The following DGKK variants were observed in gnomAD, a reference collection of about 807,000 sequenced individuals.
The protein encoded by DGKK is 142 kDa diacylglycerol kinase.
DGKK carries 35 observed loss-of-function variants against 92.2 expected under a neutral mutation model. The ratio of observed to expected loss-of-function variants is 0.38; its 90% confidence interval spans 0.29 to 0.50. The LOEUF (loss-of-function observed/expected upper bound fraction) is 0.50, where lower values mean the gene tolerates loss of function less well. DGKK is among the 20% of genes least tolerant of loss of function. The pLI is 0.92. For synonymous variants in DGKK, 368 were observed against 360.6 expected (o/e 1.02, Z -0.23); for missense variants, 910 against 992.2 (o/e 0.92, Z 1.11).
At position 50,470,683 on chromosome X, in the gene DGKK, G is replaced by C; in HGVS notation, c.-5C>G. ...TGCGGCAGCTCCGCGGTCCATGGCC[G>C]CACACCGCTTCAGGTCTGGGCAGCC... On this transcript the variant is annotated 5_prime_UTR_variant, in exon 1 of 28. Transcript: ENST00000611977. The C allele has an allele frequency of 7.3e-6, 8 of 1,099,700 alleles. No homozygotes were observed. The highest frequency in any genetic ancestry group is 9.4e-6 in the Non-Finnish European group (8 of 848,426). 90.6% of individuals were successfully genotyped at this position (1,099,700 alleles called of 1,213,427 possible). A position where few individuals can be genotyped will look rare whatever the true frequency, so the allele number is the denominator to read the frequency against.
At chrX:50,383,451 T>G (rs909574880) in intron 17 of DGKK, among the ~76,000 whole-genome samples, 2 of 112,087 alleles carry the variant, frequency 1.8e-5, no homozygotes, top group African/African-American at 3.2e-5. Context: ...AAAAATTGTT[T>G]TCTTAAATAA....
At chrX:50,378,532 T>A (rs782512781) in intron 21 of DGKK, 46 bp downstream of exon 21, 9 of 1,071,851 alleles carry the variant, frequency 8.4e-6, no homozygotes, top group Non-Finnish European at 1.2e-5. Flanking sequence ...TGGGTAGCAG[T>A]CAAAAACCTC....
In DGKK at chrX:50,462,743, G is replaced by A. The variant is rs556150809; in HGVS notation, c.645+7291C>T. 4.6e-5 allele frequency among the ~76,000 whole-genome samples: 5 copies of A among 108,181 alleles called. No individual in the cohort carries two copies. The South Asian group carries it at 1.7e-3, about 37-fold the overall frequency. The allele number at this position is 108,181 out of a possible 115,157, so 93.9% of individuals were successfully genotyped here. On this transcript the variant is annotated intron_variant, in intron 1 of 27. Transcript: ENST00000611977. ...GGTTTTGTGGAGAGGACCTACAAGGGCAACTTGTTTTAATGAAGCTGGGGA... is the reference window on the plus strand; with the variant it reads ...GGTTTTGTGGAGAGGACCTACAAGGACAACTTGTTTTAATGAAGCTGGGGA...
At chrX:50,462,398 T>TC (rs1416765908) in intron 1 of DGKK, among the ~76,000 whole-genome samples, 3 of 107,022 alleles carry the variant, frequency 2.8e-5, no homozygotes, top group African/African-American at 1.0e-4. Flanking sequence ...TGCTTTTTTT[T>TC]TTTTTTTTTT....
intron 1 of DGKK, among the ~76,000 whole-genome samples, chrX:50,435,094 G>A (rs916775971): frequency 2.7e-5 from 3 of 112,263 alleles, no homozygotes; most frequent in Non-Finnish European, 5.6e-5. Flanking sequence ...TGGTATTTGT[G>A]TATGTAAACA....
chrX:50,377,127 T>C (rs1400407790), intron 22 of DGKK, among the ~76,000 whole-genome samples: 3 of 112,001 alleles, frequency 2.7e-5, no homozygotes, highest in Non-Finnish European at 5.6e-5. Flanking sequence ...TTCTGGACTA[T>C]GCCCTTTAGT....
chrX:50,462,503 A>G (rs1277671716), intron 1 of DGKK, among the ~76,000 whole-genome samples: 1 of 106,260 alleles, frequency 9.4e-6, no homozygotes, highest in East Asian at 3.0e-4. Context: ...CTTGCCTTAG[A>G]TTAGGAGGAT....
At chrX:50,407,586 A>G (rs1925191302) in intron 4 of DGKK, among the ~76,000 whole-genome samples, 1 of 111,645 alleles carries the variant, frequency 9.0e-6, no homozygotes, top group African/African-American at 3.3e-5. Flanking sequence ...CCCTATGGCC[A>G]CATTTAACCT....
chrX:50,392,308 G>C, intron 10 of DGKK, 33 bp downstream of exon 10: 1 of 1,108,088 alleles, frequency 9.0e-7, no homozygotes, highest in Non-Finnish European at 1.2e-6. Flanking sequence ...ACTCTTTCTA[G>C]CAATGGCTAA....
chrX:50,427,850 T>TAATG (rs1295275914), intron 1 of DGKK, among the ~76,000 whole-genome samples: 1 of 110,802 alleles, frequency 9.0e-6, no homozygotes, highest in Non-Finnish European at 1.9e-5. Flanking sequence ...AAACCTAGTA[T>TAATG]AAAGCTATAA....
intron 4 of DGKK, among the ~76,000 whole-genome samples, chrX:50,405,971 A>G (rs1177906336): frequency 4.5e-5 from 5 of 111,542 alleles, no homozygotes; most frequent in African/African-American, 9.8e-5. Context: ...CTCTCCTCCA[A>G]TAATTACTAA....
At chrX:50,403,415 T>C (rs151168854) in intron 6 of DGKK, 76 bp downstream of exon 6, 66 of 1,004,702 alleles carry the variant, frequency 6.6e-5, no homozygotes, top group Non-Finnish European at 8.0e-5. Flanking sequence ...TAGGAAGAAG[T>C]CTTCCTCCCC....
intron 27 of DGKK, among the ~76,000 whole-genome samples, 165 bp downstream of exon 27, chrX:50,370,261 G>A (rs781979060): frequency 9.0e-6 from 1 of 111,221 alleles, no homozygotes; most frequent in South Asian, 3.9e-4. Flanking sequence ...CTCTCACCTT[G>A]TCCAAGATAT....
intron 4 of DGKK, among the ~76,000 whole-genome samples, chrX:50,412,710 C>T (rs1925333716): frequency 8.9e-6 from 1 of 112,404 alleles, no homozygotes. Flanking sequence ...AGTTAACTGA[C>T]AAAAGTTGAC....
chrX:50,374,689 C>T (rs1045385482), intron 25 of DGKK, among the ~76,000 whole-genome samples: 2 of 111,132 alleles, frequency 1.8e-5, no homozygotes, highest in Non-Finnish European at 3.8e-5. Context: ...GTATCAAGTA[C>T]GGTAACACTC....
intron 1 of DGKK, among the ~76,000 whole-genome samples, chrX:50,446,109 A>G (rs1602299562): frequency 9.0e-6 from 1 of 111,002 alleles, no homozygotes; most frequent in African/African-American, 3.3e-5. Context: ...TAGGAATGCT[A>G]GTGGTTTTTC....
chrX:50,468,624 G>A (rs1237983220), intron 1 of DGKK, among the ~76,000 whole-genome samples: 2 of 111,264 alleles, frequency 1.8e-5, no homozygotes, highest in Non-Finnish European at 3.8e-5. Flanking sequence ...TTTCATTTTA[G>A]CCTTCTTTTT....
intron 1 of DGKK, among the ~76,000 whole-genome samples, chrX:50,440,780 A>G (rs1926152602): frequency 9.0e-6 from 1 of 111,600 alleles, no homozygotes; most frequent in Non-Finnish European, 1.9e-5. Context: ...TTTGATGCAG[A>G]GGCAGGAAAT....
intron 1 of DGKK, among the ~76,000 whole-genome samples, chrX:50,453,537 C>T (rs1602303456): frequency 1.8e-5 from 2 of 111,288 alleles, no homozygotes; most frequent in South Asian, 3.8e-4. Flanking sequence ...GAGAGAAAGC[C>T]AATTAGAAGT....
Sources: gnomAD v4.1 joint callset for allele counts (sites outside exome capture counted in the v4.1 genomes callset) on GRCh38, gnomAD v4.1.1 for gene constraint, MANE v1.5 for transcripts, NCBI Gene and HGNC (gene_info 2026-07-23, HGNC 2026-07-21) for gene names.